AIG1: variants seen among roughly 807,000 people sequenced by gnomAD.
AIG1 encodes androgen induced 1.
AIG1 carries 23 observed loss-of-function variants against 31.4 expected under a neutral mutation model. The observed-to-expected ratio is 0.73, with a 90% CI of 0.53 to 1.04. AIG1 has a LOEUF of 1.04. Ranked by LOEUF, AIG1 falls within the 50% of genes least tolerant of loss-of-function variation. The pLI, the probability that AIG1 is intolerant of heterozygous loss-of-function variation, is 0.00. For synonymous variants in AIG1, 100 were observed against 110.5 expected (o/e 0.90, Z 0.60); for missense variants, 274 against 295.0 (o/e 0.93, Z 0.52).
intron 3 of AIG1, among the ~76,000 whole-genome samples, chr6:143,192,185 G>A (rs79875328): frequency 0.041 from 6,170 of 152,264 alleles, 380 homozygotes; most frequent in African/African-American, 0.14. Flanking sequence ...ATATTTGAGA[G>A]CATCTGTCAG....
Position 143,339,401 on chromosome 6 carries a change from T to C in AIG1, c.680-238T>C. 4 of 367,690 alleles carry C rather than the reference T, an allele frequency of 1.1e-5. No individual in the cohort carries two copies. In the South Asian group the frequency reaches 1.5e-4, roughly 14 times the overall value. The allele number at this position is 367,690 out of a possible 1,614,324, so 22.8% of individuals were successfully genotyped here. ...ATAGGAGCTGGGTGTGTCCCAGAGA[T>C]GCTGTGTCCTGATTCTGTGGAAAGG... On this transcript the variant is annotated intron_variant, in intron 5 of 5. Transcript: ENST00000357847.
chr6:143,085,974 A>G (rs1778742024), intron 1 of AIG1, among the ~76,000 whole-genome samples: 2 of 152,228 alleles, frequency 1.3e-5, no homozygotes, highest in African/African-American at 4.8e-5. Flanking sequence ...GAATAGCCCC[A>G]TACTTTAAGA....
intron 4 of AIG1, among the ~76,000 whole-genome samples, chr6:143,286,177 A>G (rs1031431361): frequency 6.6e-6 from 1 of 152,166 alleles, no homozygotes; most frequent in East Asian, 1.9e-4. Flanking sequence ...GATTTCAGGA[A>G]CTATGTACTT....
chr6:143,092,395 A>C (rs1383935410), intron 1 of AIG1, among the ~76,000 whole-genome samples: 2 of 151,092 alleles, frequency 1.3e-5, no homozygotes, highest in Non-Finnish European at 2.9e-5. Flanking sequence ...TTGGTGTTAC[A>C]GGGATCAGCT....
chr6:143,336,924 GA>G (rs368457073), intron 5 of AIG1, among the ~76,000 whole-genome samples: 11 of 151,092 alleles, frequency 7.3e-5, no homozygotes, highest in South Asian at 2.1e-4. Context: ...GTTGCAGGGG[GA>G]AAAAAAAAGA....
intron 3 of AIG1, among the ~76,000 whole-genome samples, chr6:143,229,466 G>A (rs113670991): frequency 1.6e-4 from 25 of 152,230 alleles, no homozygotes; most frequent in African/African-American, 5.8e-4. Context: ...TGGGAAAAGT[G>A]TATTATTTTA....
intron 3 of AIG1, among the ~76,000 whole-genome samples, chr6:143,168,413 C>G (rs528838509): frequency 1.5e-5 from 2 of 130,048 alleles, no homozygotes; most frequent in African/African-American, 5.7e-5. Flanking sequence ...TCCCCTCCCC[C>G]CACCCCACAA....
At chr6:143,197,968 A>G (rs1790389869) in intron 3 of AIG1, among the ~76,000 whole-genome samples, 1 of 152,134 alleles carries the variant, frequency 6.6e-6, no homozygotes, top group Admixed American at 6.5e-5. Context: ...GGTGTTGTAT[A>G]CCCCAGGACT....
chr6:143,273,083 C>A (rs2128668945), intron 3 of AIG1, among the ~76,000 whole-genome samples: 1 of 152,252 alleles, frequency 6.6e-6, no homozygotes, highest in African/African-American at 2.4e-5. Context: ...GAGCTGAGAT[C>A]ATGCCATTGC....
intron 1 of AIG1, among the ~76,000 whole-genome samples, chr6:143,063,382 C>T (rs9689231): frequency 0.039 from 5,915 of 152,264 alleles, 155 homozygotes; most frequent in African/African-American, 0.067. Flanking sequence ...CTGATTGAAA[C>T]ATAATAATTA....
At chr6:143,143,197 G>A (rs1219043821) in intron 2 of AIG1, among the ~76,000 whole-genome samples, 10 of 150,938 alleles carry the variant, frequency 6.6e-5, no homozygotes, top group Admixed American at 6.6e-4. Context: ...ATATTAAGGG[G>A]GAAATTAAAA....
rs1777025510 is a variant in AIG1 at position 143,330,953 on chromosome 6, C to CAA, written c.516-2328_516-2327insAA. 6.6e-6 allele frequency among the ~76,000 whole-genome samples: 1 copy of CAA among 152,204 alleles called. No homozygotes were observed. Among genetic ancestry groups the CAA allele is most frequent in the Non-Finnish European group, 1.5e-5 (1 of 68,044 alleles). Reference sequence around the variant, plus strand: ...TAACCATTTAATTTCTGCGGATTCTCACAACTGCTTCAGCTTTTCTAACAG... The same window carrying CAA: ...TAACCATTTAATTTCTGCGGATTCTCAAACAACTGCTTCAGCTTTTCTAACAG... On this transcript the variant is annotated intron_variant, in intron 4 of 5. Coordinates refer to ENST00000357847, the MANE Select transcript of AIG1 (RefSeq NM_016108.4). The surrounding 1 kb of genome is among the most constrained non-coding windows in gnomAD (Gnocchi z 4.4).
chr6:143,278,480 T>TG (rs1797102569), intron 3 of AIG1, among the ~76,000 whole-genome samples: 1 of 150,152 alleles, frequency 6.7e-6, no homozygotes, highest in Non-Finnish European at 1.5e-5. Flanking sequence ...TTTTTTTTTT[T>TG]CTTTTTGAGA....
At chr6:143,266,624 A>G (rs930580923) in intron 3 of AIG1, among the ~76,000 whole-genome samples, 7 of 152,036 alleles carry the variant, frequency 4.6e-5, no homozygotes, top group Non-Finnish European at 8.8e-5. Context: ...CTGTTTGTCA[A>G]TTATACCCCA....
chr6:143,333,984 C>G lies in AIG1; in HGVS notation c.679+539C>G, dbSNP rs1240479709. On this transcript the variant is annotated intron_variant, in intron 5 of 5. Coordinates refer to ENST00000357847, the MANE Select transcript of AIG1 (RefSeq NM_016108.4). The surrounding 1 kb of genome is among the most constrained non-coding windows in gnomAD (Gnocchi z 4.6). ...GCTGTCACGGAAAGTCTGAAAGTGG[C>G]AAAGAGCTACAAGCAGTAAAAGATA... 2 of 1,387,836 alleles carry G rather than the reference C, an allele frequency of 1.4e-6. No homozygotes were observed. The highest frequency in any genetic ancestry group is 2.0e-6 in the Non-Finnish European group (2 of 1,008,584). The allele number at this position is 1,387,836 out of a possible 1,614,324, so 86.0% of individuals were successfully genotyped here.
intron 1 of AIG1, among the ~76,000 whole-genome samples, chr6:143,103,501 CTTTTTTTTTTTTTTTT>C (rs1173435325): frequency 1.2e-5 from 1 of 84,210 alleles, no homozygotes; most frequent in Admixed American, 1.4e-4. Flanking sequence ...CAGAAGTTTT[CTTTTTTTTTTTTTTTT>C]TTTTTTTTGA....
rs1777831736 is a variant in AIG1 at position 143,340,875 on chromosome 6, G to T, written c.*1199G>T. Among the ~76,000 whole-genome samples the T allele has an allele frequency of 6.6e-6, 1 of 151,890 alleles. No individual in the cohort carries two copies. ...GTTACTTAACACAAATATAAGTATT[G>T]ATTGCCCAATGTTGAGAGAGATCAA... On this transcript the variant is annotated 3_prime_UTR_variant, in exon 6 of 6. Transcript: ENST00000357847.
In AIG1 at chr6:143,258,779, C is replaced by G. The variant is rs1795539174; in HGVS notation, c.400-25331C>G. ...CAAAACTGAGGTTGAAATTTGGTCC[C>G]CTCTGTGTTGGTGTTGGAAGATGTG... On this transcript the variant is annotated intron_variant, in intron 3 of 5. Coordinates refer to ENST00000357847, the MANE Select transcript of AIG1 (RefSeq NM_016108.4). The surrounding 1 kb of genome is among the most constrained non-coding windows in gnomAD (Gnocchi z 4.7). Among the ~76,000 whole-genome samples the G allele has an allele frequency of 1.3e-5, 2 of 152,096 alleles. No individual in the cohort carries two copies. The highest frequency in any genetic ancestry group is 3.8e-4 in the East Asian group (2 of 5,198).
At chr6:143,064,985 TA>T (rs1481180105) in intron 1 of AIG1, among the ~76,000 whole-genome samples, 1 of 152,212 alleles carries the variant, frequency 6.6e-6, no homozygotes, top group Non-Finnish European at 1.5e-5. Flanking sequence ...AAAAGGTGGT[TA>T]TTTATTGTTA....
Sources: gnomAD v4.1 joint callset for allele counts (sites outside exome capture counted in the v4.1 genomes callset) on GRCh38, gnomAD v4.1.1 for gene constraint, Gnocchi (gnomAD v3.1) non-coding constraint, MANE v1.5 for transcripts, NCBI Gene and HGNC (gene_info 2026-07-23, HGNC 2026-07-21) for gene names.